CACNA2D3: variants seen among roughly 807,000 people sequenced by gnomAD.
CACNA2D3 encodes the protein calcium voltage-gated channel auxiliary subunit alpha2delta 3, also known as voltage-dependent calcium channel subunit alpha-2/delta-3.
CACNA2D3 carries 60 observed loss-of-function variants against 160.6 expected under a neutral mutation model. That is an observed-to-expected ratio of 0.37 (90% confidence interval 0.30 to 0.46). CACNA2D3 has a LOEUF of 0.46. Among genes scored for constraint, CACNA2D3 ranks in the 20% least tolerant of loss-of-function variants. The pLI, the probability that CACNA2D3 is intolerant of heterozygous loss-of-function variation, is 1.00. For synonymous variants in CACNA2D3, 558 were observed against 492.9 expected (o/e 1.13, Z -1.75); for missense variants, 1,205 against 1,365.0 (o/e 0.88, Z 1.85).
intron 9 of CACNA2D3, chr3:54,626,565 G>A (rs1699111088): frequency 1.3e-6 from 2 of 1,585,638 alleles, no homozygotes; most frequent in Non-Finnish European, 1.7e-6. Flanking sequence ...ACCTGGGCGA[G>A]TTCTCCATCA....
rs1017639741 is a variant in CACNA2D3 at position 54,320,332 on chromosome 3, A to T, written c.205-110A>T. On this transcript the variant is annotated intron_variant, in intron 2 of 37. Coordinates refer to ENST00000474759, the MANE Select transcript of CACNA2D3 (RefSeq NM_018398.3). Reference sequence around the variant, plus strand: ...ATCCACAAATTCACCAGAAGCAGTCATGGTGTAATTTTATCTTTATTTATT... The same window carrying T: ...ATCCACAAATTCACCAGAAGCAGTCTTGGTGTAATTTTATCTTTATTTATT... The T allele has an allele frequency of 4.0e-5, 22 of 552,216 alleles. No homozygotes were observed. In the South Asian group the frequency reaches 6.1e-4, roughly 15 times the overall value. The allele number at this position is 552,216 out of a possible 1,614,324, so 34.2% of individuals were successfully genotyped here. A position where few individuals can be genotyped will look rare whatever the true frequency, so the allele number is the denominator to read the frequency against.
intron 5 of CACNA2D3, among the ~76,000 whole-genome samples, chr3:54,546,578 T>G (rs953887095): frequency 2.6e-5 from 4 of 152,204 alleles, no homozygotes; most frequent in African/African-American, 9.6e-5. Context: ...ATCCTGCATG[T>G]GAAGGCTGGC....
intron 27 of CACNA2D3, among the ~76,000 whole-genome samples, chr3:54,908,099 G>A (rs1700484209): frequency 6.6e-6 from 1 of 152,148 alleles, no homozygotes; most frequent in African/African-American, 2.4e-5. Context: ...GGGTCATATG[G>A]TAACTCTGTT....
At chr3:54,361,981 C>T (rs73841996) in intron 3 of CACNA2D3, among the ~76,000 whole-genome samples, 4,327 of 152,188 alleles carry the variant, frequency 0.028, 210 homozygotes, top group African/African-American at 0.099. Context: ...TCAACATGAG[C>T]GTTAACAGCT....
intron 35 of CACNA2D3, among the ~76,000 whole-genome samples, chr3:55,023,745 T>C (rs531416617): frequency 6.6e-6 from 1 of 152,080 alleles, no homozygotes; most frequent in Admixed American, 6.6e-5. Flanking sequence ...ATAATTGTTA[T>C]GTAAGTTTTT....
intron 9 of CACNA2D3, among the ~76,000 whole-genome samples, chr3:54,597,522 A>G (rs1559522266): frequency 6.6e-6 from 1 of 152,136 alleles, no homozygotes; most frequent in Non-Finnish European, 1.5e-5. Flanking sequence ...GGGCTTAAAT[A>G]TTACTGACCA....
At chr3:54,594,436 A>G (rs1364699062) in intron 9 of CACNA2D3, among the ~76,000 whole-genome samples, 3 of 152,246 alleles carry the variant, frequency 2.0e-5, no homozygotes, top group African/African-American at 7.2e-5. Context: ...TATTAAATAA[A>G]TAACATAACA....
chr3:54,626,274 C>A (rs1699098808), intron 9 of CACNA2D3: 2 of 1,415,368 alleles, frequency 1.4e-6, no homozygotes, highest in Non-Finnish European at 9.8e-7. Flanking sequence ...GTGGCGTGGA[C>A]CTGGACCAGC....
chr3:54,156,899 T>A (rs1387790713), intron 2 of CACNA2D3, among the ~76,000 whole-genome samples: 1 of 152,216 alleles, frequency 6.6e-6, no homozygotes, highest in Non-Finnish European at 1.5e-5. Flanking sequence ...CCATGTGAGA[T>A]GAGAAATGAT....
chr3:54,464,291 G>A (rs1167276839), intron 4 of CACNA2D3, among the ~76,000 whole-genome samples: 4 of 152,176 alleles, frequency 2.6e-5, no homozygotes, highest in Non-Finnish European at 5.9e-5. Flanking sequence ...GAGAACCACT[G>A]CTCTCTTCAA....
At chr3:54,236,190 C>T (rs781653567) in intron 2 of CACNA2D3, among the ~76,000 whole-genome samples, 1 of 152,096 alleles carries the variant, frequency 6.6e-6, no homozygotes, top group Non-Finnish European at 1.5e-5. Flanking sequence ...CTGTCACGGA[C>T]AACAGGAGGC....
intron 5 of CACNA2D3, among the ~76,000 whole-genome samples, chr3:54,548,427 A>G (rs1211245173): frequency 6.6e-6 from 1 of 152,136 alleles, no homozygotes; most frequent in Admixed American, 6.5e-5. Flanking sequence ...TTTTCCACCC[A>G]TGGTTCAAGC....
At chr3:54,497,272 A>G (rs1701217089) in intron 4 of CACNA2D3, among the ~76,000 whole-genome samples, 2 of 44,080 alleles carry the variant, frequency 4.5e-5, no homozygotes. Flanking sequence ...AGTCTTCTTT[A>G]AGTTCAAACA....
At chr3:55,059,087 C>A (rs1260010850) in intron 35 of CACNA2D3, among the ~76,000 whole-genome samples, 5 of 152,198 alleles carry the variant, frequency 3.3e-5, no homozygotes, top group Admixed American at 3.3e-4. Context: ...TTGACTTTGC[C>A]AGATCACATA....
intron 2 of CACNA2D3, among the ~76,000 whole-genome samples, chr3:54,280,000 C>G (rs1189792691): frequency 6.6e-6 from 1 of 152,216 alleles, no homozygotes; most frequent in Admixed American, 6.5e-5. Flanking sequence ...AGAATTCCAA[C>G]AGTGATTTCT....
intron 14 of CACNA2D3, among the ~76,000 whole-genome samples, chr3:54,827,437 C>A (rs1314581457): frequency 6.6e-6 from 1 of 152,208 alleles, no homozygotes; most frequent in East Asian, 1.9e-4. Context: ...GTTTGAGTAA[C>A]CTTCTCCAGC....
chr3:55,027,005 AC>A (rs926895156), intron 35 of CACNA2D3, among the ~76,000 whole-genome samples: 12 of 151,862 alleles, frequency 7.9e-5, no homozygotes, highest in African/African-American at 2.9e-4. Flanking sequence ...ACACACACAC[AC>A]GCACACACGC....
At chr3:54,630,478 G>T (rs1252616694) in intron 10 of CACNA2D3, among the ~76,000 whole-genome samples, 1 of 152,168 alleles carries the variant, frequency 6.6e-6, no homozygotes, top group African/African-American at 2.4e-5. Context: ...TCAAGGTGAG[G>T]AGATGCCATC....
intron 3 of CACNA2D3, among the ~76,000 whole-genome samples, chr3:54,358,536 T>C (rs1236703430): frequency 1.3e-5 from 2 of 152,184 alleles, no homozygotes; most frequent in African/African-American, 4.8e-5. Flanking sequence ...ATGCTTAAAA[T>C]CAGAGGCCTG....
Sources: allele counts gnomAD v4.1 joint callset (sites outside exome capture counted in the v4.1 genomes callset), GRCh38; gene constraint gnomAD v4.1.1; transcripts MANE v1.5; gene names NCBI Gene and HGNC (gene_info 2026-07-23, HGNC 2026-07-21).